Variants in RREB1 observed in about 807,000 individuals in gnomAD.
RREB1 encodes the protein ras-responsive element-binding protein 1.
Under a neutral mutation model 117.8 loss-of-function variants are expected in RREB1, and 27 were observed. The ratio of observed to expected loss-of-function variants is 0.23; its 90% CI spans 0.17 to 0.32. RREB1 has a LOEUF of 0.32. Ranked by LOEUF, RREB1 falls within the 10% of genes least tolerant of loss-of-function variation. The probability of loss-of-function intolerance (pLI) is 1.00; values close to 1 mark genes in which losing one functional copy is unlikely to be tolerated. For missense variants in RREB1, 2,577 were observed against 2,378.2 expected (o/e 1.08, Z -1.74); for synonymous variants, 1,298 against 1,026.7 (o/e 1.26, Z -5.05).
rs986875156 is a variant in RREB1, at chr6:7,251,112, G to A, written c.*2144G>A. ...AAGCTGTGACTAAACTCTACGCTGC[G>A]GTGAGATGTAGCAGTAATCAGCTCC... On this transcript the variant is annotated 3_prime_UTR_variant, in exon 13 of 13. Coordinates refer to ENST00000379938, the MANE Select transcript of RREB1 (RefSeq NM_001003699.4). 9 of 152,098 alleles carry A rather than the reference G, an allele frequency of 5.9e-5. No homozygotes were observed. Among genetic ancestry groups the A allele is most frequent in the African/African-American group, 1.4e-4 (6 of 41,408 alleles). The allele number at this position is 152,098 out of a possible 1,614,324, so 9.4% of individuals were successfully genotyped here. A position where few individuals can be genotyped will look rare whatever the true frequency, so the allele number is the denominator to read the frequency against.
rs1228973169 is a variant in RREB1 at position 7,249,180 on chromosome 6, T to A, written c.*212T>A. On this transcript the variant is annotated 3_prime_UTR_variant, in exon 13 of 13. Coordinates refer to ENST00000379938, the MANE Select transcript of RREB1 (RefSeq NM_001003699.4). ...CGCGGGAGGCCACAGCCCGTGCCGA[T>A]TCCAGTGCCTTAACTACTTACCGGA... 2.0e-5 allele frequency: 10 copies of A among 503,468 alleles called. No homozygotes were observed. Among genetic ancestry groups the A allele is most frequent in the Middle Eastern group, 5.0e-4 (1 of 1,998 alleles). The allele number at this position is 503,468 out of a possible 1,614,324, so 31.2% of individuals were successfully genotyped here.
At position 7,215,474 on chromosome 6, in the gene RREB1, A is replaced by G. The variant is rs1368534310; in HGVS notation, c.707+3765A>G. The G allele has an allele frequency of 2.6e-5, 4 of 152,140 alleles. 1 individual carries two copies. The highest frequency in any genetic ancestry group is 1.3e-4 in the Admixed American group (2 of 15,274). 9.4% of individuals were successfully genotyped at this position (152,140 alleles called of 1,614,324 possible). On this transcript the variant is annotated intron_variant, in intron 8 of 12. Transcript: ENST00000379938. ...CACCTCAGCCTCCCAAGTAGCTGGA[A>G]CCACAGGCATGTGCCGTCACATGCA...
At chr6:7,128,969 A>G (rs1762049351) in intron 1 of RREB1, among the ~76,000 whole-genome samples, 1 of 151,892 alleles carries the variant, frequency 6.6e-6, no homozygotes. Flanking sequence ...ACTCCGTCTC[A>G]AAAAAAAAGT....
intron 1 of RREB1, among the ~76,000 whole-genome samples, chr6:7,138,189 T>G (rs1762424178): frequency 6.6e-6 from 1 of 152,190 alleles, no homozygotes; most frequent in South Asian, 2.1e-4. Flanking sequence ...TGCATGTTGG[T>G]CCATGTTAAT....
chr6:7,177,406 C>T (rs1259667679), intron 2 of RREB1, among the ~76,000 whole-genome samples: 1 of 151,254 alleles, frequency 6.6e-6, no homozygotes, highest in Non-Finnish European at 1.5e-5. Context: ...CAAATCCAGA[C>T]CATGTGTGTT....
Position 7,230,583 on chromosome 6 carries a change from C to T in RREB1, c.2484C>T (p.Ala828=), listed in dbSNP as rs1245935076. 2.5e-6 allele frequency: 4 copies of T among 1,602,896 alleles called. No homozygotes were observed. Among genetic ancestry groups the T allele is most frequent in the Non-Finnish European group, 3.4e-6 (4 of 1,175,826 alleles). Residue 828 remains alanine (A), a synonymous_variant, in exon 10 of 13, where the codon GCC becomes GCT. Transcript: ENST00000379938. ...ACATCGAGAGCTACGTGCTGGCCGC[C>T]GACGGCCTGGGCCCCGCAGAGGCGC... is the stretch of plus-strand genomic sequence containing the variant. ...EQDIESYVLA[A]DGLGPAEAPA...
chr6:7,159,741 C>T (rs1018235106), intron 1 of RREB1, among the ~76,000 whole-genome samples: 1 of 152,182 alleles, frequency 6.6e-6, no homozygotes, highest in Admixed American at 6.5e-5. Flanking sequence ...TGCCAGTCTC[C>T]TTAACTCTCC....
intron 1 of RREB1, among the ~76,000 whole-genome samples, chr6:7,122,270 TTTTTC>T (rs1294723645): frequency 6.6e-6 from 1 of 152,152 alleles, no homozygotes; most frequent in Non-Finnish European, 1.5e-5. Flanking sequence ...TTTTTTTTCT[TTTTTC>T]TTTTTTAAGG....
At chr6:7,174,900 C>T (rs944889124) in intron 1 of RREB1, among the ~76,000 whole-genome samples, 4 of 152,030 alleles carry the variant, frequency 2.6e-5, no homozygotes, top group South Asian at 2.1e-4. Flanking sequence ...TGAGCCACCG[C>T]GCCTGGCCTA....
Position 7,124,659 on chromosome 6 carries a change from T to A in RREB1, c.-285+16599T>A, listed in dbSNP as rs551357944. Among the ~76,000 whole-genome samples, 8 of 152,338 alleles carry A rather than the reference T, an allele frequency of 5.3e-5. No homozygotes were observed. The South Asian group carries it at 6.2e-4, about 12-fold the overall frequency. On this transcript the variant is annotated intron_variant, in intron 1 of 12. Coordinates refer to ENST00000379938, the MANE Select transcript of RREB1 (RefSeq NM_001003699.4). The stretch of plus-strand genomic sequence containing the variant: ...CCTTTGTTGGTTGTTAGGCTTTTCA[T>A]GTAGAAATACTCCCAGCATGGTGGC...
In RREB1 at chr6:7,226,520, A is replaced by G. The variant is rs774444897; in HGVS notation, c.761A>G (p.Asn254Ser). ...ACACATCGAGGACTGCTGCGTCACA[A>G]CGCGCTTGTCCACAAACAACTTCCC... ...FRTHRGLLRH[N>S]ALVHKQLPRD... Residue 254 changes from asparagine to serine, a missense_variant, in exon 9 of 13, where the codon AAC becomes AGC. Transcript: ENST00000379938. The G allele has an allele frequency of 5.0e-6, 8 of 1,614,040 alleles. No homozygotes were observed. In the East Asian group the frequency reaches 1.3e-4, roughly 27 times the overall value.
At chr6:7,162,259 A>G (rs1229425080) in intron 1 of RREB1, among the ~76,000 whole-genome samples, 5 of 151,990 alleles carry the variant, frequency 3.3e-5, no homozygotes, top group African/African-American at 1.2e-4. Context: ...ATTTTAAAAG[A>G]TGGCAGTTTA....
At chr6:7,180,213 A>G (rs774482806) in intron 2 of RREB1, among the ~76,000 whole-genome samples, 2 of 152,186 alleles carry the variant, frequency 1.3e-5, no homozygotes, top group Non-Finnish European at 1.5e-5. Context: ...ATCTCTTTAC[A>G]AGACAAGTGC....
At chr6:7,180,706 G>A (rs897633883) in intron 2 of RREB1, among the ~76,000 whole-genome samples, 1 of 152,230 alleles carries the variant, frequency 6.6e-6, no homozygotes, top group African/African-American at 2.4e-5. Flanking sequence ...TCTGTCCTGA[G>A]AGTGTCTAAA....
intron 1 of RREB1, among the ~76,000 whole-genome samples, chr6:7,117,590 G>A (rs1000961021): frequency 3.3e-5 from 5 of 151,460 alleles, no homozygotes; most frequent in East Asian, 1.9e-4. Context: ...ATTTTTTTTA[G>A]TAGAGATGGG....
chr6:7,226,482 T>G lies in RREB1; in HGVS notation c.723T>G (p.Cys241Trp). The G allele has an allele frequency of 1.2e-6, 2 of 1,612,386 alleles. No individual in the cohort carries two copies. The highest frequency in any genetic ancestry group is 1.7e-6 in the Non-Finnish European group (2 of 1,179,046). ...CCTCTCCTAGATGTGACATTTGTTGTGTCACCTTTCGAACACATCGAGGAC... is the reference window on the plus strand; with the variant it reads ...CCTCTCCTAGATGTGACATTTGTTGGGTCACCTTTCGAACACATCGAGGAC... ...SDNPLRCDIC[C>W]VTFRTHRGLL... The change falls in exon 9 of 13, where the codon TGT (cysteine) becomes TGG (tryptophan). Residue 241 changes from cysteine to tryptophan, a missense_variant. Coordinates refer to ENST00000379938, the MANE Select transcript of RREB1 (RefSeq NM_001003699.4).
rs12192672 is a variant in RREB1 at position 7,229,386 on chromosome 6, G to C, written c.1287G>C (p.Ala429=). 58 of 1,613,704 alleles carry C rather than the reference G, an allele frequency of 3.6e-5. No individual in the cohort carries two copies. The East Asian group carries it at 1.2e-3, about 35-fold the overall frequency. ...GCGGTTCTCTCACAGTTCTCCCCGC[G>C]ACCAAGGACAGCATAAAGCACCTGT... The part of the protein sequence containing the change: ...SLGGSLTVLP[A]TKDSIKHLSL... Residue 429 remains alanine, a synonymous_variant, in exon 10 of 13, where the codon GCG becomes GCC. Transcript: ENST00000379938. The surrounding 1 kb of genome is among the most constrained non-coding windows in gnomAD (Gnocchi z 4.5).
intron 1 of RREB1, among the ~76,000 whole-genome samples, chr6:7,135,973 T>C (rs974717721): frequency 1.3e-5 from 2 of 152,144 alleles, no homozygotes; most frequent in South Asian, 2.1e-4. Context: ...GGCATATGAC[T>C]AAGCAAGTCA....
intron 1 of RREB1, among the ~76,000 whole-genome samples, chr6:7,137,621 A>G (rs951817858): frequency 6.6e-6 from 1 of 152,172 alleles, no homozygotes; most frequent in Non-Finnish European, 1.5e-5. Context: ...CATTTGCTCA[A>G]ACTACTCCAA....
Sources: allele counts gnomAD v4.1 joint callset (sites outside exome capture counted in the v4.1 genomes callset), GRCh38; gene constraint gnomAD v4.1.1; non-coding constraint Gnocchi (gnomAD v3.1); transcripts MANE v1.5; gene names NCBI Gene and HGNC (gene_info 2026-07-23, HGNC 2026-07-21).